The following MGAT5B variants were observed in gnomAD, a reference collection of about 807,000 sequenced individuals.
MGAT5B encodes alpha-1,6-mannosylglycoprotein 6-beta-N-acetylglucosaminyltransferase B.
MGAT5B carries 54 observed loss-of-function variants against 95.1 expected under a neutral mutation model. The ratio of observed to expected loss-of-function variants is 0.57; its 90% CI spans 0.46 to 0.71. The LOEUF is 0.71. MGAT5B is among the 30% of genes least tolerant of loss of function. The pLI is 0.00. For synonymous variants in MGAT5B, 464 were observed against 451.0 expected, an observed-to-expected ratio of 1.03 and a Z score of -0.36; for missense variants, 935 against 1,088.6, an observed-to-expected ratio of 0.86 and a Z score of 1.99.
chr17:76,868,633 G>C lies in MGAT5B; in HGVS notation c.-397G>C, dbSNP rs570523155. 4 of 147,736 alleles carry C rather than the reference G, an allele frequency of 2.7e-5. No individual in the cohort carries two copies. The highest frequency in any genetic ancestry group is 6.0e-5 in the Non-Finnish European group (4 of 66,228). The allele number at this position is 147,736 out of a possible 1,614,324, so 9.2% of individuals were successfully genotyped here. Reference sequence around the variant, plus strand: ...CGCGGGCCCGGGGCCGCCTTTAGCCGGCACCGAGGGCGCGGGGCCGGGGAT... The same window carrying C: ...CGCGGGCCCGGGGCCGCCTTTAGCCCGCACCGAGGGCGCGGGGCCGGGGAT... On this transcript the variant is annotated 5_prime_UTR_variant, in exon 1 of 18. Transcript: ENST00000569840. This position sits in a 1 kb window ranked among gnomAD's most constrained non-coding sequence, Gnocchi z 6.3.
At chr17:76,904,687 A>G (rs995442524) in intron 6 of MGAT5B, among the ~76,000 whole-genome samples, 2 of 152,240 alleles carry the variant, frequency 1.3e-5, no homozygotes, top group African/African-American at 4.8e-5. Flanking sequence ...AATAGTAGTA[A>G]TAGCAGCTGT....
chr17:76,926,773 C>A (rs761547965), intron 10 of MGAT5B, 43 bp downstream of exon 10: 1 of 1,603,330 alleles, frequency 6.2e-7, no homozygotes, highest in Admixed American at 1.7e-5. Flanking sequence ...AGGTCCTCCT[C>A]ATGGTTCTCA....
chr17:76,878,325 G>T (rs1294787575), intron 2 of MGAT5B, among the ~76,000 whole-genome samples: 1 of 152,182 alleles, frequency 6.6e-6, no homozygotes, highest in Non-Finnish European at 1.5e-5. Context: ...TGCAGAAGAT[G>T]GGAGCAGCTC....
chr17:76,871,324 A>ACCC (rs1640675276), intron 1 of MGAT5B, among the ~76,000 whole-genome samples: 1 of 152,110 alleles, frequency 6.6e-6, no homozygotes, highest in South Asian at 2.1e-4. Flanking sequence ...GGCTTGGTGG[A>ACCC]ATTCCGTGAG....
At chr17:76,920,953 C>T (rs767699966) in intron 8 of MGAT5B, among the ~76,000 whole-genome samples, 4 of 152,100 alleles carry the variant, frequency 2.6e-5, no homozygotes, top group Non-Finnish European at 5.9e-5. Context: ...AGGTCCTGTC[C>T]CTGGTCCTGA....
In MGAT5B at chr17:76,905,987, T is replaced by C. The variant is rs600212; in HGVS notation, c.856-31T>C. 0.096 allele frequency: 149,698 copies of C among 1,558,416 alleles called. 9,098 individuals carry two copies. Among genetic ancestry groups the C allele is most frequent in the Admixed American group, 0.26 (12,827 of 49,994 alleles). ...GCGGGGCTCAGAGCTGCTGCTCCTC[T>C]CTGCTGACCCTCTGTGTTCCGCCCA... On this transcript the variant is annotated intron_variant, in intron 7 of 17. Transcript: ENST00000569840. The surrounding 1 kb of genome is among the most constrained non-coding windows in gnomAD (Gnocchi z 4.2).
chr17:76,948,161 C>T, intron 17 of MGAT5B, 75 bp downstream of exon 17: 1 of 1,507,882 alleles, frequency 6.6e-7, no homozygotes, highest in Non-Finnish European at 8.9e-7. Context: ...AGCTCTCATG[C>T]CCAGAACCGG....
chr17:76,904,362 G>A lies in MGAT5B; in HGVS notation c.630G>A (p.Pro210=), dbSNP rs1309842394. Residue 210 remains proline (P), a synonymous_variant, in exon 6 of 18, where the codon CCG becomes CCA. Transcript: ENST00000569840. ...GTGAGGTCGAGTGGTTCTGCCCCCC[G>A]CTGCCCTGGAGGAACCAGACGGCTG... ...YLSEVEWFCP[P]LPWRNQTAAQ... 2.3e-5 allele frequency: 37 copies of A among 1,585,340 alleles called. No individual in the cohort carries two copies. The highest frequency in any genetic ancestry group is 3.0e-5 in the Non-Finnish European group (35 of 1,165,928).
intron 3 of MGAT5B, among the ~76,000 whole-genome samples, chr17:76,894,164 C>A (rs760920094): frequency 2.0e-5 from 3 of 152,210 alleles, no homozygotes; most frequent in Non-Finnish European, 4.4e-5. Flanking sequence ...GCTCCCTGTT[C>A]CCCCGCCAGG....
At chr17:76,885,696 C>CCTGAA (rs1227867210) in intron 3 of MGAT5B, among the ~76,000 whole-genome samples, 3 of 152,222 alleles carry the variant, frequency 2.0e-5, no homozygotes, top group Non-Finnish European at 2.9e-5. Context: ...CAGGCAGAGC[C>CCTGAA]ATCAATTTCA....
intron 10 of MGAT5B, among the ~76,000 whole-genome samples, chr17:76,928,070 C>T (rs1041898240): frequency 1.3e-5 from 2 of 152,046 alleles, no homozygotes; most frequent in Non-Finnish European, 2.9e-5. Context: ...TAAGTAATGG[C>T]ATCATTGAAT....
intron 3 of MGAT5B, among the ~76,000 whole-genome samples, chr17:76,885,404 G>A (rs1366534920): frequency 1.3e-5 from 2 of 152,208 alleles, no homozygotes; most frequent in South Asian, 2.1e-4. Flanking sequence ...AGGCCTTTTT[G>A]GTCTCTGTTG....
intron 1 of MGAT5B, among the ~76,000 whole-genome samples, chr17:76,871,736 C>G (rs756550178): frequency 9.2e-5 from 14 of 152,114 alleles, no homozygotes; most frequent in Non-Finnish European, 1.9e-4. Flanking sequence ...CTCCAGGGAG[C>G]CTGACTCCAC....
At position 76,948,728 on chromosome 17, in the gene MGAT5B, A is replaced by G. The variant is rs766090920; in HGVS notation, c.2269A>G (p.Lys757Glu). 1.2e-6 allele frequency: 2 copies of G among 1,613,182 alleles called. No individual in the cohort carries two copies. Among genetic ancestry groups the G allele is most frequent in the Non-Finnish European group, 1.7e-6 (2 of 1,179,778 alleles). The change falls in exon 18 of 18, where the codon AAG (lysine) becomes GAG (glutamate). Residue 757 changes from lysine to glutamate, a missense_variant. Physicochemically the swap from Lys to Glu is moderately conservative, Grantham distance 56 (BLOSUM62 1). This residue lies in a region of MGAT5B where 440 missense variants were observed against 523.6 expected (regional missense o/e 0.84). Coordinates refer to ENST00000569840, the MANE Select transcript of MGAT5B (RefSeq NM_001199172.2). ...AQPGQECYLQ[K>E]EPLLFSCAGS... ...GCCTGGCCAGGAGTGCTACCTGCAG[A>G]AGGAGCCTCTGCTCTTCAGCTGCGC...
At chr17:76,880,045 T>C (rs1385584368) in intron 2 of MGAT5B, among the ~76,000 whole-genome samples, 3 of 152,184 alleles carry the variant, frequency 2.0e-5, no homozygotes, top group Non-Finnish European at 4.4e-5. Context: ...CCACTCTGTT[T>C]TCCGTAGAGG....
chr17:76,927,706 C>T (rs1370346730), intron 10 of MGAT5B, among the ~76,000 whole-genome samples: 1 of 152,244 alleles, frequency 6.6e-6, no homozygotes, highest in Non-Finnish European at 1.5e-5. Flanking sequence ...TGCGGAGCTG[C>T]GTCCCCTCCT....
chr17:76,881,790 C>T (rs1967428901), intron 2 of MGAT5B, among the ~76,000 whole-genome samples: 1 of 152,192 alleles, frequency 6.6e-6, no homozygotes, highest in Admixed American at 6.5e-5. Flanking sequence ...TTTCTGCCAT[C>T]TCACGGACAT....
intron 2 of MGAT5B, among the ~76,000 whole-genome samples, chr17:76,873,292 G>T (rs1303569192): frequency 6.6e-6 from 1 of 152,238 alleles, no homozygotes; most frequent in Admixed American, 6.5e-5. Flanking sequence ...TTGTCTCCTT[G>T]AGGCACACAT....
At chr17:76,902,408 C>T (rs1008615145) in intron 3 of MGAT5B, 147 bp from the exon 4 acceptor site, 24 of 606,906 alleles carry the variant, frequency 4.0e-5, no homozygotes, top group Non-Finnish European at 6.6e-5. Flanking sequence ...ATTCACTCCC[C>T]ACCATTTGGT....
Sources: allele counts gnomAD v4.1 joint callset (sites outside exome capture counted in the v4.1 genomes callset), GRCh38; gene constraint gnomAD v4.1.1; regional missense constraint gnomAD v4.1.1; non-coding constraint Gnocchi (gnomAD v3.1); transcripts MANE v1.5; gene names NCBI Gene and HGNC (gene_info 2026-07-23, HGNC 2026-07-21).